The following ZPLD1 variants were observed in gnomAD, a reference collection of about 807,000 sequenced individuals.
ZPLD1 encodes the protein zona pellucida-like domain-containing protein 1.
ZPLD1 carries 34 observed loss-of-function variants against 47.2 expected under a neutral mutation model. The observed-to-expected ratio is 0.72, with a 90% confidence interval of 0.55 to 0.96. The LOEUF is 0.96. Ranked by LOEUF, ZPLD1 falls within the 40% of genes least tolerant of loss-of-function variation. The probability of loss-of-function intolerance (pLI) is 0.00; values close to 1 mark genes in which losing one functional copy is unlikely to be tolerated. For synonymous variants in ZPLD1, 176 were observed against 186.2 expected (o/e 0.95, Z 0.45); for missense variants, 512 against 505.8 (o/e 1.01, Z -0.12).
At chr3:102,422,395 C>G (rs1403747964) in intron 8 of ZPLD1, among the ~76,000 whole-genome samples, 1 of 151,948 alleles carries the variant, frequency 6.6e-6, no homozygotes, top group Non-Finnish European at 1.5e-5. Flanking sequence ...GTTAAATATC[C>G]TACAATGTTG....
intron 3 of ZPLD1, among the ~76,000 whole-genome samples, chr3:102,447,451 A>G (rs979866829): frequency 6.6e-6 from 1 of 152,208 alleles, no homozygotes; most frequent in African/African-American, 2.4e-5. Context: ...ATGATGAAGA[A>G]ATATCTTGAG....
chr3:102,388,945 A>G (rs1553707208), intron 6 of ZPLD1, among the ~76,000 whole-genome samples: 1 of 151,922 alleles, frequency 6.6e-6, no homozygotes, highest in Non-Finnish European at 1.5e-5. Flanking sequence ...TTTTCACTCA[A>G]TTTTTCTCTT....
intron 8 of ZPLD1, among the ~76,000 whole-genome samples, chr3:102,429,612 C>T (rs1382803003): frequency 6.6e-6 from 1 of 152,014 alleles, no homozygotes; most frequent in African/African-American, 2.4e-5. Flanking sequence ...ATTGGATGCT[C>T]TTATGAATTA....
At chr3:102,404,067 C>A (rs988821084) in intron 7 of ZPLD1, among the ~76,000 whole-genome samples, 4 of 151,924 alleles carry the variant, frequency 2.6e-5, no homozygotes, top group South Asian at 2.1e-4. Context: ...CATTATAATT[C>A]TGCAGAAAAC....
chr3:102,456,526 C>A, intron 5 of ZPLD1, 152 bp downstream of exon 5: 1 of 650,754 alleles, frequency 1.5e-6, no homozygotes, highest in Non-Finnish European at 2.6e-6. Context: ...ATATATTTAC[C>A]TCTATCTGTT....
At chr3:102,386,970 AT>A (rs1280990454) in intron 6 of ZPLD1, among the ~76,000 whole-genome samples, 1 of 152,262 alleles carries the variant, frequency 6.6e-6, no homozygotes, top group African/African-American at 2.4e-5. Context: ...TTGATGGAAT[AT>A]TTTTTGATGT....
intron 7 of ZPLD1, among the ~76,000 whole-genome samples, chr3:102,408,276 G>A (rs1706714338): frequency 6.6e-6 from 1 of 151,688 alleles, no homozygotes; most frequent in South Asian, 2.1e-4. Context: ...AAAATGAAGG[G>A]CAAAAGATAC....
chr3:102,471,136 G>A (rs566692091), intron 10 of ZPLD1, among the ~76,000 whole-genome samples: 2 of 152,192 alleles, frequency 1.3e-5, no homozygotes, highest in East Asian at 3.9e-4. Flanking sequence ...CCCTGCTGTC[G>A]CCCATGACTA....
chr3:102,464,260 T>C lies in ZPLD1; in HGVS notation c.761+9T>C. 1.3e-6 allele frequency: 2 copies of C among 1,595,092 alleles called. No individual in the cohort carries two copies. Among genetic ancestry groups the C allele is most frequent in the East Asian group, 2.2e-5 (1 of 44,692 alleles). On this transcript the variant is annotated intron_variant, in intron 8 of 11. Coordinates refer to ENST00000466937, the MANE Select transcript of ZPLD1 (RefSeq NM_001329788.2). Reference sequence around the variant, plus strand: ...TATGATCTTTTCCTTAGGTAAGACTTAGCTGTCTAAGTATTATATTGATAC... The same window carrying C: ...TATGATCTTTTCCTTAGGTAAGACTCAGCTGTCTAAGTATTATATTGATAC...
chr3:102,446,019 T>C (rs1707250522), intron 3 of ZPLD1, among the ~76,000 whole-genome samples: 1 of 152,202 alleles, frequency 6.6e-6, no homozygotes, highest in Non-Finnish European at 1.5e-5. Flanking sequence ...GTTGGCAGAA[T>C]ACAGATAGAT....
chr3:102,402,263 A>G (rs1315737155), intron 7 of ZPLD1, among the ~76,000 whole-genome samples: 3 of 151,946 alleles, frequency 2.0e-5, no homozygotes. Context: ...ATTTTAAATC[A>G]CTTAAATATC....
At chr3:102,408,012 G>T (rs1706710470) in intron 7 of ZPLD1, among the ~76,000 whole-genome samples, 1 of 151,662 alleles carries the variant, frequency 6.6e-6, no homozygotes, top group South Asian at 2.1e-4. Flanking sequence ...AATTAAGTTT[G>T]TTTTTTGCTG....
chr3:102,413,741 T>C (rs1706772575), intron 7 of ZPLD1, among the ~76,000 whole-genome samples: 1 of 151,754 alleles, frequency 6.6e-6, no homozygotes, highest in Non-Finnish European at 1.5e-5. Flanking sequence ...GAACATATTA[T>C]TGACTTGTCA....
chr3:102,436,944 A>T lies in ZPLD1; in HGVS notation c.-38A>T. The T allele has an allele frequency of 1.0e-6, 1 of 985,502 alleles. No individual in the cohort carries two copies. Among genetic ancestry groups the T allele is most frequent in the Non-Finnish European group, 1.2e-6 (1 of 829,968 alleles). 61.0% of individuals were successfully genotyped at this position (985,502 alleles called of 1,614,324 possible). ...GTTCTTGGGACCCATCATGAGAAGGAAGTGGTGGAGCATGGAGCATGGAAT... is the reference window on the plus strand; with the variant it reads ...GTTCTTGGGACCCATCATGAGAAGGTAGTGGTGGAGCATGGAGCATGGAAT... On this transcript the variant is annotated 5_prime_UTR_variant, in exon 2 of 12. It introduces an in-frame stop codon into an upstream open reading frame of the 5' UTR. Coordinates refer to ENST00000466937, the MANE Select transcript of ZPLD1 (RefSeq NM_001329788.2).
intron 3 of ZPLD1, among the ~76,000 whole-genome samples, chr3:102,446,067 T>A (rs983218069): frequency 6.6e-6 from 1 of 152,206 alleles, no homozygotes; most frequent in Non-Finnish European, 1.5e-5. Flanking sequence ...TGTATACATA[T>A]TTTGTTTGTA....
chr3:102,451,426 G>C (rs1707335334), intron 3 of ZPLD1, among the ~76,000 whole-genome samples: 1 of 152,098 alleles, frequency 6.6e-6, no homozygotes, highest in African/African-American at 2.4e-5. Context: ...GTTTTTGTTT[G>C]TTTCTACATG....
At position 102,477,860 on chromosome 3, in the gene ZPLD1, A is replaced by C. The variant is rs940323929; in HGVS notation, c.*242A>C. 2 of 334,994 alleles carry C rather than the reference A, an allele frequency of 6.0e-6. No individual in the cohort carries two copies. Among genetic ancestry groups the C allele is most frequent in the African/African-American group, 2.1e-5 (1 of 47,030 alleles). The allele number at this position is 334,994 out of a possible 1,614,324, so 20.8% of individuals were successfully genotyped here. A position where few individuals can be genotyped will look rare whatever the true frequency, so the allele number is the denominator to read the frequency against. ...GTGAATATATTGACAATAAGTGAAAAATATTCAGGACTTAGGGCTTACAGG... is the reference window on the plus strand; with the variant it reads ...GTGAATATATTGACAATAAGTGAAACATATTCAGGACTTAGGGCTTACAGG... On this transcript the variant is annotated 3_prime_UTR_variant, in exon 12 of 12. Transcript: ENST00000466937.
chr3:102,400,070 C>T (rs1381179427), intron 7 of ZPLD1, among the ~76,000 whole-genome samples: 1 of 152,028 alleles, frequency 6.6e-6, no homozygotes, highest in Admixed American at 6.6e-5. Context: ...TCACCCACCT[C>T]AGCCTTCCAA....
At chr3:102,476,153 T>G (rs1707755146) in intron 10 of ZPLD1, among the ~76,000 whole-genome samples, 1 of 152,142 alleles carries the variant, frequency 6.6e-6, no homozygotes, top group South Asian at 2.1e-4. Context: ...AACTATGTGG[T>G]TTTATACACA....
Sources: gnomAD v4.1 joint callset for allele counts (sites outside exome capture counted in the v4.1 genomes callset) on GRCh38, gnomAD v4.1.1 for gene constraint, MANE v1.5 for transcripts, NCBI Gene and HGNC (gene_info 2026-07-23, HGNC 2026-07-21) for gene names.